C1orf21: variants seen among roughly 807,000 people sequenced by gnomAD.
The protein encoded by C1orf21 is chromosome 1 open reading frame 21, also known as uncharacterized protein C1orf21.
In C1orf21, 3 loss-of-function variants were observed where a neutral mutation model predicts 18.7. The ratio of observed to expected loss-of-function variants is 0.16; its 90% CI spans 0.07 to 0.42. The LOEUF is 0.42. C1orf21 is among the 10% of genes least tolerant of loss of function. The pLI is 0.99. For synonymous variants in C1orf21, 41 were observed against 46.4 expected (o/e 0.88, Z 0.47); for missense variants, 104 against 143.6 (o/e 0.72, Z 1.41).
chr1:184,602,846 A>G (rs777273486), intron 5 of C1orf21, among the ~76,000 whole-genome samples: 5 of 152,246 alleles, frequency 3.3e-5, no homozygotes, highest in Non-Finnish European at 4.4e-5. Context: ...CTTTATGAAG[A>G]TGTAAGACCC....
intron 1 of C1orf21, among the ~76,000 whole-genome samples, chr1:184,444,775 G>A (rs781690755): frequency 8.5e-5 from 13 of 152,194 alleles, no homozygotes; most frequent in African/African-American, 2.4e-4. Context: ...CAATGAATCC[G>A]TGATAAGCAC....
At chr1:184,406,486 G>A (rs1656250982) in intron 1 of C1orf21, among the ~76,000 whole-genome samples, 1 of 152,170 alleles carries the variant, frequency 6.6e-6, no homozygotes, top group South Asian at 2.1e-4. Context: ...TTATTAAGTG[G>A]CATAGAGGAT....
intron 1 of C1orf21, among the ~76,000 whole-genome samples, chr1:184,417,575 G>A (rs560149866): frequency 4.7e-4 from 72 of 152,286 alleles, no homozygotes; most frequent in African/African-American, 1.7e-3. Flanking sequence ...ATCACAAAAG[G>A]AATTCTTGGT....
intron 5 of C1orf21, among the ~76,000 whole-genome samples, chr1:184,604,367 C>T (rs1271644048): frequency 6.6e-6 from 1 of 152,194 alleles, no homozygotes. Context: ...TTGTCACTTT[C>T]AGTAGCAACC....
intron 5 of C1orf21, among the ~76,000 whole-genome samples, chr1:184,602,336 C>T (rs1252169147): frequency 2.6e-5 from 4 of 152,180 alleles, no homozygotes; most frequent in Admixed American, 6.5e-5. Flanking sequence ...GTCAGGAGAG[C>T]AGTGAAAGTT....
intron 2 of C1orf21, among the ~76,000 whole-genome samples, chr1:184,485,010 C>A (rs1285489912): frequency 6.6e-6 from 1 of 151,902 alleles, no homozygotes; most frequent in African/African-American, 2.4e-5. Flanking sequence ...GAAAATACAT[C>A]AGATTTATTC....
intron 3 of C1orf21, among the ~76,000 whole-genome samples, chr1:184,530,977 C>T (rs1658454903): frequency 6.6e-6 from 1 of 152,182 alleles, no homozygotes; most frequent in Non-Finnish European, 1.5e-5. Context: ...GTTTTACCCT[C>T]TTCCCAAGTC....
intron 3 of C1orf21, among the ~76,000 whole-genome samples, chr1:184,524,737 C>T (rs569360138): frequency 3.4e-4 from 51 of 151,824 alleles, no homozygotes; most frequent in Non-Finnish European, 1.0e-4. Context: ...AGATGATTTA[C>T]GTCATTCAAC....
chr1:184,590,937 A>T (rs1659428342), intron 4 of C1orf21, 122 bp downstream of exon 4: 1 of 981,682 alleles, frequency 1.0e-6, no homozygotes, highest in Non-Finnish European at 1.5e-6. Context: ...ACAAAGTTCC[A>T]AAAAACAAAA....
chr1:184,589,644 T>C (rs910668821), intron 3 of C1orf21, among the ~76,000 whole-genome samples: 1 of 152,252 alleles, frequency 6.6e-6, no homozygotes, highest in African/African-American at 2.4e-5. Flanking sequence ...AAACTTATGA[T>C]TGTTTCTTTT....
intron 3 of C1orf21, among the ~76,000 whole-genome samples, chr1:184,537,571 A>T (rs1015625445): frequency 6.6e-6 from 1 of 152,140 alleles, no homozygotes; most frequent in East Asian, 1.9e-4. Flanking sequence ...AGTTGTCTCC[A>T]TGTTTTAGCT....
intron 1 of C1orf21, among the ~76,000 whole-genome samples, chr1:184,390,556 A>G (rs1450492816): frequency 6.6e-6 from 1 of 152,232 alleles, no homozygotes. Flanking sequence ...TGGGTCGATC[A>G]GTCTTCATGA....
intron 3 of C1orf21, among the ~76,000 whole-genome samples, chr1:184,520,082 T>C (rs1292703371): frequency 6.6e-6 from 1 of 152,210 alleles, no homozygotes; most frequent in East Asian, 1.9e-4. Flanking sequence ...TGCTTCATGT[T>C]CATAATAGGA....
chr1:184,540,916 T>C (rs1383160164), intron 3 of C1orf21, among the ~76,000 whole-genome samples: 2 of 152,254 alleles, frequency 1.3e-5, no homozygotes, highest in African/African-American at 2.4e-5. Flanking sequence ...TTTAAAAGAA[T>C]TATTTCATTT....
chr1:184,457,688 A>G (rs13374607), intron 1 of C1orf21, among the ~76,000 whole-genome samples: 15,517 of 152,060 alleles, frequency 0.1, 1,121 homozygotes, highest in African/African-American at 0.2. Flanking sequence ...CCAGCTATCC[A>G]TGTGCTTGCT....
intron 3 of C1orf21, among the ~76,000 whole-genome samples, chr1:184,559,334 C>G (rs1658920539): frequency 6.6e-6 from 1 of 152,154 alleles, no homozygotes; most frequent in Admixed American, 6.5e-5. Context: ...GCCTCACTTT[C>G]TGCCATGAGT....
intron 3 of C1orf21, among the ~76,000 whole-genome samples, chr1:184,556,524 G>A (rs577017196): frequency 3.5e-4 from 53 of 152,218 alleles, no homozygotes; most frequent in African/African-American, 1.1e-3. Flanking sequence ...CACAAAACAG[G>A]AAGGAAGGAA....
intron 4 of C1orf21, among the ~76,000 whole-genome samples, chr1:184,591,582 G>A (rs1167129840): frequency 2.0e-5 from 3 of 152,156 alleles, no homozygotes; most frequent in Non-Finnish European, 4.4e-5. Flanking sequence ...CAAGGCGGGA[G>A]GATCACGAGG....
In C1orf21 at chr1:184,443,331, C is replaced by T. The variant is rs111758596; in HGVS notation, c.-124-34055C>T. On this transcript the variant is annotated intron_variant, in intron 1 of 5. Transcript: ENST00000235307. ...TGCTGTTTGGAACTGGGCATACAAT[C>T]GCTATTCTGAGGTGGATAGTTATCT... is the stretch of plus-strand genomic sequence containing the variant. 6.3e-3 allele frequency among the ~76,000 whole-genome samples: 963 copies of T among 152,264 alleles called. 9 individuals carry two copies. Among genetic ancestry groups the T allele is most frequent in the African/African-American group, 0.021 (869 of 41,550 alleles).
Sources: allele counts gnomAD v4.1 joint callset (sites outside exome capture counted in the v4.1 genomes callset), GRCh38; gene constraint gnomAD v4.1.1; transcripts MANE v1.5; gene names NCBI Gene and HGNC (gene_info 2026-07-23, HGNC 2026-07-21).